Variants in ABCA13 observed in about 807,000 individuals in gnomAD.
ABCA13 encodes ATP binding cassette subfamily A member 13, also known as ATP-binding cassette sub-family A member 13.
A neutral mutation model predicts 478.7 loss-of-function variants in ABCA13; 476 were observed. The ratio of observed to expected loss-of-function variants is 0.99; its 90% CI spans 0.92 to 1.07. The LOEUF (loss-of-function observed/expected upper bound fraction) is 1.07, where lower values mean the gene tolerates loss of function less well. Ranked by LOEUF, ABCA13 falls within the 50% of genes least tolerant of loss-of-function variation. ABCA13 has a pLI of 0.00. For synonymous variants in ABCA13, 2,252 were observed against 2,158.9 expected (o/e 1.04, Z -1.20); for missense variants, 6,060 against 5,910.6 (o/e 1.03, Z -0.83).
At chr7:48,333,320 A>G (rs1805697393) in intron 27 of ABCA13, among the ~76,000 whole-genome samples, 1 of 152,032 alleles carries the variant, frequency 6.6e-6, no homozygotes, top group Non-Finnish European at 1.5e-5. Context: ...CTTTTTATTC[A>G]TTGAGATTTT....
At chr7:48,504,967 C>G (rs1270443484) in intron 48 of ABCA13, among the ~76,000 whole-genome samples, 1 of 152,040 alleles carries the variant, frequency 6.6e-6, no homozygotes, top group African/African-American at 2.4e-5. Context: ...TGTTATTGGT[C>G]CAGACAGGTG....
intron 39 of ABCA13, among the ~76,000 whole-genome samples, chr7:48,406,041 G>A (rs1818220987): frequency 1.3e-5 from 2 of 152,200 alleles, no homozygotes; most frequent in African/African-American, 4.8e-5. Context: ...CAGATCTAAG[G>A]ACTGTGCAGA....
intron 1 of ABCA13, among the ~76,000 whole-genome samples, chr7:48,173,625 G>T (rs773536198): frequency 4.6e-5 from 7 of 152,192 alleles, no homozygotes; most frequent in Non-Finnish European, 8.8e-5. Flanking sequence ...ATTTGTACAA[G>T]GTTGTTCATT....
chr7:48,516,484 G>C (rs1832121802), intron 51 of ABCA13, among the ~76,000 whole-genome samples: 3 of 152,026 alleles, frequency 2.0e-5, no homozygotes, highest in African/African-American at 7.2e-5. Context: ...AGGCACGCTG[G>C]CATATTGCTG....
chr7:48,572,593 A>G (rs999466891), intron 55 of ABCA13, among the ~76,000 whole-genome samples: 4 of 152,176 alleles, frequency 2.6e-5, no homozygotes, highest in African/African-American at 7.2e-5. Flanking sequence ...TTCATGGATA[A>G]AGTTGACTTG....
At chr7:48,298,142 C>G (rs945327026) in intron 22 of ABCA13, among the ~76,000 whole-genome samples, 1 of 151,968 alleles carries the variant, frequency 6.6e-6, no homozygotes, top group Admixed American at 6.6e-5. Flanking sequence ...AGAGAGTAGA[C>G]CAGTAACCAG....
At chr7:48,309,539 G>T (rs1046831342) in intron 23 of ABCA13, among the ~76,000 whole-genome samples, 7 of 152,086 alleles carry the variant, frequency 4.6e-5, no homozygotes, top group Admixed American at 4.6e-4. Context: ...ACTGATGACG[G>T]TGAAAAGTGG....
In ABCA13 at chr7:48,455,196, G is replaced by T. The variant is rs1469957701; in HGVS notation, c.12725G>T (p.Gly4242Val). Residue 4242 changes from glycine (G) to valine (V), a missense_variant, in exon 43 of 62, where the codon GGC becomes GTC. By Grantham distance (109) the Gly-to-Val change is moderately radical (BLOSUM62 -3). Transcript: ENST00000435803. ...GTCCTCTTCGTGGCCTTGGCCATGG[G>T]CTTGTTCATGGTGAGACCCCTGGCC... ...LPVLFVALAM[G>V]LFMVRPLATE... is the part of the protein sequence containing the mutation. The T allele has an allele frequency of 6.3e-7, 1 of 1,593,916 alleles. No individual in the cohort carries two copies. The highest frequency in any genetic ancestry group is 1.1e-5 in the South Asian group (1 of 87,764).
At chr7:48,505,688 G>T (rs1831145514) in intron 48 of ABCA13, among the ~76,000 whole-genome samples, 1 of 152,156 alleles carries the variant, frequency 6.6e-6, no homozygotes. Context: ...TTTATTTATG[G>T]AGTTCTTCTT....
At chr7:48,201,369 T>C (rs1798683338) in intron 3 of ABCA13, among the ~76,000 whole-genome samples, 1 of 152,214 alleles carries the variant, frequency 6.6e-6, no homozygotes, top group Admixed American at 6.5e-5. Flanking sequence ...GCGGAGCTGT[T>C]ACGCTCTCGG....
chr7:48,562,312 A>G (rs771774118), intron 55 of ABCA13, among the ~76,000 whole-genome samples: 6 of 150,462 alleles, frequency 4.0e-5, no homozygotes, highest in Non-Finnish European at 8.8e-5. Flanking sequence ...TTTTAATTCT[A>G]TGGGCATTTT....
intron 58 of ABCA13, among the ~76,000 whole-genome samples, chr7:48,614,443 T>TA (rs1271810702): frequency 2.6e-5 from 4 of 151,268 alleles, no homozygotes; most frequent in Non-Finnish European, 4.4e-5. Context: ...GGTGGGACTG[T>TA]AAACTAGTTC....
At chr7:48,460,623 T>A (rs1375070185) in intron 43 of ABCA13, among the ~76,000 whole-genome samples, 2 of 152,198 alleles carry the variant, frequency 1.3e-5, no homozygotes, top group African/African-American at 4.8e-5. Context: ...AGGTTCTGAG[T>A]GGGCATGAAA....
intron 59 of ABCA13, among the ~76,000 whole-genome samples, chr7:48,641,133 T>A (rs1795073334): frequency 6.6e-6 from 1 of 152,186 alleles, no homozygotes; most frequent in South Asian, 2.1e-4. Flanking sequence ...TACTGGAATT[T>A]AGCATGAATT....
intron 27 of ABCA13, among the ~76,000 whole-genome samples, chr7:48,322,295 TC>T: frequency 6.6e-6 from 1 of 152,186 alleles, no homozygotes. Context: ...TTCCAAGTCT[TC>T]CCATGCTGCT....
At chr7:48,220,925 C>A (rs987153973) in intron 4 of ABCA13, among the ~76,000 whole-genome samples, 1 of 152,008 alleles carries the variant, frequency 6.6e-6, no homozygotes, top group Non-Finnish European at 1.5e-5. Context: ...GTTTTTCCTT[C>A]ATTTTTTTCT....
chr7:48,572,315 A>G (rs1370886460), intron 55 of ABCA13, among the ~76,000 whole-genome samples: 1 of 151,812 alleles, frequency 6.6e-6, no homozygotes, highest in Non-Finnish European at 1.5e-5. Context: ...TTATTTATTT[A>G]TTTTTATAAA....
rs192947878 is a variant in ABCA13 at position 48,276,344 on chromosome 7, C to T, written c.6678C>T (p.Asn2226=). 530 of 1,558,358 alleles carry T rather than the reference C, an allele frequency of 3.4e-4. 5 individuals are homozygous for T. The East Asian group carries it at 8.5e-3, about 25-fold the overall frequency. The part of the protein sequence containing the change: ...LAGNSQEAAW[N]LNDTDLQIMN... ...GGAATTCTCAGGAAGCAGCTTGGAA[C>T]TTAAATGATACTGACCTTCAAATAA... The change falls in exon 17 of 62, where the codon AAC becomes AAT. Residue 2226 remains asparagine, a synonymous_variant. Coordinates refer to ENST00000435803, the MANE Select transcript of ABCA13 (RefSeq NM_152701.5).
intron 48 of ABCA13, among the ~76,000 whole-genome samples, chr7:48,494,784 G>A (rs540276117): frequency 7.2e-5 from 11 of 152,120 alleles, no homozygotes; most frequent in African/African-American, 1.9e-4. Context: ...TTACAAAAAC[G>A]GAGCTAGCTA....
Sources: gnomAD v4.1 joint callset for allele counts (sites outside exome capture counted in the v4.1 genomes callset) on GRCh38, gnomAD v4.1.1 for gene constraint, MANE v1.5 for transcripts, NCBI Gene and HGNC (gene_info 2026-07-23, HGNC 2026-07-21) for gene names.